CACNA2D3: variants seen among roughly 807,000 people sequenced by gnomAD.
The protein encoded by CACNA2D3 is voltage-dependent calcium channel subunit alpha-2/delta-3.
In CACNA2D3, 60 loss-of-function variants were observed where a neutral mutation model predicts 160.6. The observed-to-expected ratio is 0.37, with a 90% CI of 0.30 to 0.46. The LOEUF (loss-of-function observed/expected upper bound fraction) is 0.46. Among genes scored for constraint, CACNA2D3 ranks in the 20% least tolerant of loss-of-function variants. The pLI, the probability that CACNA2D3 is intolerant of heterozygous loss-of-function variation, is 1.00. For missense variants in CACNA2D3, 1,205 were observed against 1,365.0 expected (o/e 0.88, Z 1.85); for synonymous variants, 558 against 492.9 (o/e 1.13, Z -1.75).
At chr3:54,460,263 T>C (rs1367173995) in intron 4 of CACNA2D3, among the ~76,000 whole-genome samples, 2 of 152,188 alleles carry the variant, frequency 1.3e-5, no homozygotes, top group African/African-American at 4.8e-5. Context: ...GCAGGCTCTT[T>C]TTTGGTTCCA....
At chr3:55,021,562 G>A (rs1275177161) in intron 35 of CACNA2D3, among the ~76,000 whole-genome samples, 1 of 145,784 alleles carries the variant, frequency 6.9e-6, no homozygotes, top group Non-Finnish European at 1.5e-5. Flanking sequence ...ATATGTCTAG[G>A]TATACATTTC....
intron 4 of CACNA2D3, among the ~76,000 whole-genome samples, chr3:54,492,063 A>G (rs961087857): frequency 4.6e-5 from 7 of 152,170 alleles, no homozygotes; most frequent in African/African-American, 7.2e-5. Context: ...ACATGGTTAC[A>G]GGAGCCTAGA....
rs146534597 is a variant in CACNA2D3, at chr3:54,735,212, C to T, written c.1168-17387C>T. Among the ~76,000 whole-genome samples the T allele has an allele frequency of 4.6e-3, 705 of 152,332 alleles. 16 individuals are homozygous for T. Among genetic ancestry groups the T allele is most frequent in the Admixed American group, 0.041 (624 of 15,306 alleles). The stretch of plus-strand genomic sequence containing the variant: ...GTAGTCACAGAATTTAGTGGATTCC[C>T]CTAGCACTTTTGGGGTCTAGATTTT... On this transcript the variant is annotated intron_variant, in intron 11 of 37. Coordinates refer to ENST00000474759, the MANE Select transcript of CACNA2D3 (RefSeq NM_018398.3).
At chr3:54,877,512 A>G (rs951340216) in intron 18 of CACNA2D3, among the ~76,000 whole-genome samples, 6 of 152,206 alleles carry the variant, frequency 3.9e-5, no homozygotes, top group Non-Finnish European at 8.8e-5. Context: ...CAGAAGAGGA[A>G]GCTGAGTCAC....
chr3:54,336,229 G>C (rs1043733925), intron 3 of CACNA2D3, among the ~76,000 whole-genome samples: 1 of 152,102 alleles, frequency 6.6e-6, no homozygotes, highest in Non-Finnish European at 1.5e-5. Context: ...AGCTGGGCAG[G>C]GTCCCTGACA....
chr3:54,874,582 G>A (rs1445223101), intron 18 of CACNA2D3: 4 of 152,122 alleles, frequency 2.6e-5, no homozygotes, highest in Admixed American at 2.6e-4. Context: ...AGCTCTTCCT[G>A]TACACCAGTA....
chr3:54,823,540 A>G (rs1325035283), intron 14 of CACNA2D3, among the ~76,000 whole-genome samples: 2 of 152,170 alleles, frequency 1.3e-5, no homozygotes, highest in Non-Finnish European at 2.9e-5. Context: ...GTGACTTGCA[A>G]TTTTATTTAT....
chr3:54,202,268 G>A (rs953969391), intron 2 of CACNA2D3, among the ~76,000 whole-genome samples: 7 of 152,164 alleles, frequency 4.6e-5, no homozygotes, highest in African/African-American at 1.7e-4. Context: ...TCAACCAATT[G>A]TCCCCTTTGA....
chr3:54,883,603 G>T (rs1005698096), intron 21 of CACNA2D3, among the ~76,000 whole-genome samples: 4 of 152,100 alleles, frequency 2.6e-5, no homozygotes, highest in African/African-American at 9.7e-5. Flanking sequence ...AGGTTGGGAG[G>T]ATGGGAACTG....
At position 54,838,021 on chromosome 3, in the gene CACNA2D3, G is replaced by A. The variant is rs75713751; in HGVS notation, c.1471-547G>A. Among the ~76,000 whole-genome samples, 573 of 152,268 alleles carry A rather than the reference G, an allele frequency of 3.8e-3. 4 individuals carry two copies. The highest frequency in any genetic ancestry group is 0.012 in the African/African-American group (503 of 41,554). Reference sequence around the variant, plus strand: ...GCCTTTCTGACACTGAAAAGTTTTAGCAAATCACAATGGCTACATGCCTTG... The same window carrying A: ...GCCTTTCTGACACTGAAAAGTTTTAACAAATCACAATGGCTACATGCCTTG... On this transcript the variant is annotated intron_variant, in intron 15 of 37. Transcript: ENST00000474759.
intron 31 of CACNA2D3, among the ~76,000 whole-genome samples, chr3:55,003,218 A>C (rs1466339143): frequency 1.3e-5 from 2 of 152,162 alleles, no homozygotes; most frequent in Non-Finnish European, 2.9e-5. Flanking sequence ...AAGTGTTTAA[A>C]ATCTCATCTG....
At position 54,503,473 on chromosome 3, in the gene CACNA2D3, T is replaced by A. The variant is rs1701324154; in HGVS notation, c.382-19T>A. 6.2e-7 allele frequency: 1 copy of A among 1,613,112 alleles called. No individual in the cohort carries two copies. The highest frequency in any genetic ancestry group is 1.7e-5 in the Admixed American group (1 of 59,972). On this transcript the variant is annotated intron_variant, in intron 4 of 37. Transcript: ENST00000474759. ...TCTTCCCTAAGCCACATGTAATGTTTTTTGACTTTGTCTTTCAGTATGAAT... is the reference window on the plus strand; with the variant it reads ...TCTTCCCTAAGCCACATGTAATGTTATTTGACTTTGTCTTTCAGTATGAAT...
At chr3:55,006,889 G>T (rs113815904) in intron 32 of CACNA2D3, among the ~76,000 whole-genome samples, 2,678 of 152,296 alleles carry the variant, frequency 0.018, 68 homozygotes, top group African/African-American at 0.06. Context: ...CAGAAGCAAG[G>T]ATTTGGCATG....
chr3:54,738,136 G>C (rs996292785), intron 11 of CACNA2D3, among the ~76,000 whole-genome samples: 2 of 152,200 alleles, frequency 1.3e-5, no homozygotes, highest in Admixed American at 6.5e-5. Context: ...TAGCAAGAAG[G>C]TTCCAAATAA....
intron 27 of CACNA2D3, among the ~76,000 whole-genome samples, chr3:54,917,637 A>C (rs1163586105): frequency 6.6e-6 from 1 of 152,208 alleles, no homozygotes; most frequent in Non-Finnish European, 1.5e-5. Context: ...GCCCAACCTA[A>C]ATTCATTCCT....
At chr3:54,221,171 G>A (rs879937872) in intron 2 of CACNA2D3, among the ~76,000 whole-genome samples, 1 of 152,180 alleles carries the variant, frequency 6.6e-6, no homozygotes, top group Non-Finnish European at 1.5e-5. Flanking sequence ...CCCACCTGTG[G>A]CAGGCATTTT....
rs59113933 is a variant in CACNA2D3 at position 54,420,192 on chromosome 3, C to G, written c.381+33418C>G. Reference sequence around the variant, plus strand: ...CTCCGCCTCCTGAGTTCAAGTGATTCTCCTGCCTCAGCCTCCTGAGTAGCT... The same window carrying G: ...CTCCGCCTCCTGAGTTCAAGTGATTGTCCTGCCTCAGCCTCCTGAGTAGCT... On this transcript the variant is annotated intron_variant, in intron 4 of 37. Coordinates refer to ENST00000474759, the MANE Select transcript of CACNA2D3 (RefSeq NM_018398.3). 4.3e-3 allele frequency among the ~76,000 whole-genome samples: 658 copies of G among 152,266 alleles called. 1 individual carries two copies. Among genetic ancestry groups the G allele is most frequent in the African/African-American group, 0.015 (622 of 41,550 alleles).
In CACNA2D3 at chr3:54,525,899, T is replaced by A. The variant is rs368264877; in HGVS notation, c.544+22245T>A. On this transcript the variant is annotated intron_variant, in intron 5 of 37. Transcript: ENST00000474759. Reference sequence around the variant, plus strand: ...TTTCAATAATTTTAGAAAGTTTATATTCATTCAATATCCTTCAATATCTTT... The same window carrying A: ...TTTCAATAATTTTAGAAAGTTTATAATCATTCAATATCCTTCAATATCTTT... Among the ~76,000 whole-genome samples the A allele has an allele frequency of 2.5e-3, 374 of 152,206 alleles. 4 individuals carry two copies. Among genetic ancestry groups the A allele is most frequent in the South Asian group, 0.011 (55 of 4,822 alleles).
intron 21 of CACNA2D3, among the ~76,000 whole-genome samples, chr3:54,884,831 G>T (rs1370925403): frequency 6.6e-6 from 1 of 152,150 alleles, no homozygotes; most frequent in African/African-American, 2.4e-5. Context: ...ATCAATTAGG[G>T]ACTACTATTC....
Sources: gnomAD v4.1 joint callset for allele counts (sites outside exome capture counted in the v4.1 genomes callset) on GRCh38, gnomAD v4.1.1 for gene constraint, MANE v1.5 for transcripts, NCBI Gene and HGNC (gene_info 2026-07-23, HGNC 2026-07-21) for gene names.